Variants in HIBADH observed in about 807,000 individuals in gnomAD.
HIBADH encodes the protein 3-hydroxyisobutyrate dehydrogenase, mitochondrial.
A neutral mutation model predicts 36.1 loss-of-function variants in HIBADH; 25 were observed. The observed-to-expected ratio is 0.69, with a 90% CI of 0.50 to 0.97. The LOEUF (loss-of-function observed/expected upper bound fraction) is 0.97, where lower values mean the gene tolerates loss of function less well. Ranked by LOEUF, HIBADH falls within the 50% of genes least tolerant of loss-of-function variation. The pLI is 0.00. For missense variants in HIBADH, 421 were observed against 418.0 expected (o/e 1.01, Z -0.06); for synonymous variants, 160 against 149.5 (o/e 1.07, Z -0.51).
rs190837677 is a variant in HIBADH at position 27,530,176 on chromosome 7, G to A, written c.852+1016C>T. Reference sequence around the variant, plus strand: ...CCCACAATATCTCCAAGGTATGCTTGTGTGGTATCTAGGTATATGTATTCT... The same window carrying A: ...CCCACAATATCTCCAAGGTATGCTTATGTGGTATCTAGGTATATGTATTCT... On this transcript the variant is annotated intron_variant, in intron 7 of 7. Coordinates refer to ENST00000265395, the MANE Select transcript of HIBADH (RefSeq NM_152740.4). Among the ~76,000 whole-genome samples the A allele has an allele frequency of 7.9e-5, 12 of 151,542 alleles. No individual in the cohort carries two copies. In the East Asian group the frequency reaches 2.3e-3, roughly 30 times the overall value.
At chr7:27,612,963 T>TTA (rs971111656) in intron 4 of HIBADH, among the ~76,000 whole-genome samples, 8 of 139,160 alleles carry the variant, frequency 5.7e-5, no homozygotes, top group Non-Finnish European at 9.2e-5. Context: ...TATATATTAT[T>TTA]TATATATATA....
chr7:27,651,359 ATAG>A (rs1786191591), intron 1 of HIBADH, among the ~76,000 whole-genome samples: 1 of 7,610 alleles, frequency 1.3e-4, no homozygotes, highest in African/African-American at 1.5e-3. Context: ...CACTGGTATA[ATAG>A]TACACTGGTA....
intron 4 of HIBADH, among the ~76,000 whole-genome samples, chr7:27,577,533 T>A (rs1278697478): frequency 6.6e-6 from 1 of 152,216 alleles, no homozygotes; most frequent in Non-Finnish European, 1.5e-5. Context: ...TAATAATTTA[T>A]GTTAAATTTA....
chr7:27,632,243 TAACA>T, intron 3 of HIBADH, 89 bp downstream of exon 3: 2 of 875,226 alleles, frequency 2.3e-6, no homozygotes, highest in Non-Finnish European at 3.7e-6. Flanking sequence ...TAGAAAGGTT[TAACA>T]AACACAATTG....
chr7:27,528,755 T>C (rs552572849), intron 7 of HIBADH, among the ~76,000 whole-genome samples: 31 of 152,350 alleles, frequency 2.0e-4, no homozygotes, highest in African/African-American at 7.2e-4. Flanking sequence ...ATCCAGAAGA[T>C]CCAGCTATCA....
At chr7:27,643,115 A>G (rs1352984636) in intron 2 of HIBADH, among the ~76,000 whole-genome samples, 2 of 152,190 alleles carry the variant, frequency 1.3e-5, no homozygotes, top group African/African-American at 4.8e-5. Flanking sequence ...ATTGGTCCCT[A>G]AAGGCACAGA....
At chr7:27,552,268 CAT>C (rs1784329594) in intron 4 of HIBADH, among the ~76,000 whole-genome samples, 1 of 152,086 alleles carries the variant, frequency 6.6e-6, no homozygotes, top group African/African-American at 2.4e-5. Context: ...TGGCTTTGCA[CAT>C]GTTAGGGGTG....
At chr7:27,623,845 T>C (rs1785588900) in intron 4 of HIBADH, among the ~76,000 whole-genome samples, 1 of 152,216 alleles carries the variant, frequency 6.6e-6, no homozygotes, top group Admixed American at 6.5e-5. Context: ...TCACCCAGGC[T>C]GGAGTGCAAT....
rs781120768 is a variant in HIBADH at position 27,629,496 on chromosome 7, A to C, written c.363-4T>G. On this transcript the variant is annotated splice_region_variant and splice_polypyrimidine_tract_variant and intron_variant, in intron 3 of 7. Coordinates refer to ENST00000265395, the MANE Select transcript of HIBADH (RefSeq NM_152740.4). ...TAATGAGCCCTTCTTCACTTTTCTA[A>C]GTAAATAAATAAAAATATTTGTAGT... The C allele has an allele frequency of 6.5e-7, 1 of 1,550,024 alleles. No homozygotes were observed. The highest frequency in any genetic ancestry group is 1.9e-5 in the Admixed American group (1 of 53,348).
chr7:27,649,761 A>G, intron 1 of HIBADH, 128 bp from the exon 2 acceptor site: 1 of 777,642 alleles, frequency 1.3e-6, no homozygotes. Context: ...AACCAGGTGC[A>G]GTGGTGCACA....
chr7:27,650,926 G>A (rs1386708960), intron 1 of HIBADH, among the ~76,000 whole-genome samples: 2 of 152,086 alleles, frequency 1.3e-5, no homozygotes, highest in Non-Finnish European at 2.9e-5. Context: ...ACTGCATGAA[G>A]TACTATGACA....
At chr7:27,622,306 A>G (rs751811559) in intron 4 of HIBADH, among the ~76,000 whole-genome samples, 1 of 152,206 alleles carries the variant, frequency 6.6e-6, no homozygotes, top group Non-Finnish European at 1.5e-5. Context: ...GAACAAATGA[A>G]AACAGAAACA....
In HIBADH at chr7:27,531,239, A is replaced by G. The variant is rs770225736; in HGVS notation, c.805T>C (p.Ser269Pro). ...PVPGVMDGVPSANNYQGGFGT... is the reference protein window; with the variant it reads ...PVPGVMDGVPPANNYQGGFGT... ...AATCCACCCTGATAGTTATTAGCCGAGGGAACGCCATCCATCACTCCAGGT... is the reference window on the plus strand; with the variant it reads ...AATCCACCCTGATAGTTATTAGCCGGGGGAACGCCATCCATCACTCCAGGT... Residue 269 changes from serine to proline, a missense_variant, in exon 7 of 8, where the codon TCG becomes CCG. Ser to Pro is a moderately conservative substitution (Grantham distance 74). Transcript: ENST00000265395. 5 of 1,613,986 alleles carry G rather than the reference A, an allele frequency of 3.1e-6. No individual in the cohort carries two copies. Among genetic ancestry groups the G allele is most frequent in the Non-Finnish European group, 4.2e-6 (5 of 1,179,904 alleles).
In HIBADH at chr7:27,595,549, T is replaced by A. The variant is rs929971210; in HGVS notation, c.484+33822A>T. On this transcript the variant is annotated intron_variant, in intron 4 of 7. Transcript: ENST00000265395. ...CTCTGTCTCAAAATAAATAAATAAA[T>A]AAAAATACAGTGTAATTTCCATAAG... Among the ~76,000 whole-genome samples, 9 of 150,224 alleles carry A rather than the reference T, an allele frequency of 6.0e-5. No individual in the cohort carries two copies. The East Asian group carries it at 9.8e-4, about 16-fold the overall frequency.
intron 4 of HIBADH, among the ~76,000 whole-genome samples, chr7:27,558,700 C>G (rs1470587060): frequency 6.6e-6 from 1 of 151,870 alleles, no homozygotes; most frequent in Non-Finnish European, 1.5e-5. Context: ...GTCTCAAAAA[C>G]AAAAAACAAA....
intron 4 of HIBADH, among the ~76,000 whole-genome samples, chr7:27,616,029 G>A (rs1027609167): frequency 8.5e-5 from 13 of 152,124 alleles, no homozygotes; most frequent in Non-Finnish European, 1.5e-4. Flanking sequence ...TATTTGGCTC[G>A]CAGTTCTGCA....
intron 2 of HIBADH, among the ~76,000 whole-genome samples, chr7:27,645,308 C>T (rs1389353047): frequency 6.8e-6 from 1 of 146,274 alleles, no homozygotes; most frequent in Non-Finnish European, 1.5e-5. Flanking sequence ...TACAACCTCA[C>T]AAACACATTG....
intron 2 of HIBADH, among the ~76,000 whole-genome samples, chr7:27,644,251 G>A (rs1562656678): frequency 6.6e-6 from 1 of 151,840 alleles, no homozygotes; most frequent in Non-Finnish European, 1.5e-5. Context: ...AGATCACGAG[G>A]TCAAGAGATC....
chr7:27,544,304 T>C lies in HIBADH; in HGVS notation c.485-1204A>G, dbSNP rs182084893. Among the ~76,000 whole-genome samples the C allele has an allele frequency of 2.3e-4, 35 of 152,348 alleles. No homozygotes were observed. The East Asian group carries it at 6.4e-3, about 28-fold the overall frequency. ...GCTTTCTATTTTACAGTTTATACTA[T>C]TCATAAGCAATTATTAAAAGCCAAA... On this transcript the variant is annotated intron_variant, in intron 4 of 7. Transcript: ENST00000265395.
Sources: gnomAD v4.1 joint callset for allele counts (sites outside exome capture counted in the v4.1 genomes callset) on GRCh38, gnomAD v4.1.1 for gene constraint, MANE v1.5 for transcripts, NCBI Gene and HGNC (gene_info 2026-07-23, HGNC 2026-07-21) for gene names.